RASAL2: variants seen among roughly 807,000 people sequenced by gnomAD.
RASAL2 encodes ras GTPase-activating protein nGAP.
RASAL2 carries 58 observed loss-of-function variants against 128.9 expected under a neutral mutation model. The observed-to-expected ratio is 0.45, with a 90% CI of 0.36 to 0.56. RASAL2 has a LOEUF of 0.56. RASAL2 is among the 20% of genes least tolerant of loss of function. The pLI is 0.00. For missense variants in RASAL2, 1,360 were observed against 1,601.6 expected, an observed-to-expected ratio of 0.85 and a Z score of 2.57; for synonymous variants, 561 against 580.8, an observed-to-expected ratio of 0.97 and a Z score of 0.49.
chr1:178,122,035 G>A (rs980622138), intron 1 of RASAL2, among the ~76,000 whole-genome samples: 1 of 152,032 alleles, frequency 6.6e-6, no homozygotes, highest in Non-Finnish European at 1.5e-5. Context: ...CTAGGACCAA[G>A]TCATTGTTAG....
At chr1:178,278,901 GCTCCTTT>G (rs1317700399) in intron 1 of RASAL2, among the ~76,000 whole-genome samples, 1 of 151,904 alleles carries the variant, frequency 6.6e-6, no homozygotes, top group East Asian at 1.9e-4. Context: ...ATGCTATGAT[GCTCCTTT>G]CTCCCATTAC....
At chr1:178,304,163 G>A (rs1255258635) in intron 3 of RASAL2, among the ~76,000 whole-genome samples, 4 of 152,144 alleles carry the variant, frequency 2.6e-5, no homozygotes, top group Non-Finnish European at 1.5e-5. Flanking sequence ...ACACAGTAGG[G>A]AGGATTAAGA....
intron 2 of RASAL2, among the ~76,000 whole-genome samples, chr1:178,294,649 G>A (rs1667415886): frequency 1.3e-5 from 2 of 152,140 alleles, no homozygotes; most frequent in Admixed American, 1.3e-4. Context: ...AGAGAGCATG[G>A]GTGTGCAACA....
chr1:178,415,519 G>A lies in RASAL2; in HGVS notation c.565-4992G>A, dbSNP rs545728121. On this transcript the variant is annotated intron_variant, in intron 4 of 17. Coordinates refer to ENST00000367649, the MANE Select transcript of RASAL2 (RefSeq NM_170692.4). ...CTGTCTTGGTGAATGTTCCATATGA[G>A]CTTGAGGAATCTCTATTCTGCTGTT... Among the ~76,000 whole-genome samples, 4 of 152,116 alleles carry A rather than the reference G, an allele frequency of 2.6e-5. No homozygotes were observed. In the South Asian group the frequency reaches 8.3e-4, roughly 32 times the overall value.
chr1:178,371,337 C>CACACACACACACACAAAT (rs1345944033), intron 3 of RASAL2, among the ~76,000 whole-genome samples: 1 of 140,974 alleles, frequency 7.1e-6, no homozygotes, highest in Non-Finnish European at 1.5e-5. Context: ...CACACACACA[C>CACACACACACACACAAAT]ACACACACAC....
chr1:178,379,551 C>T (rs747779302), intron 3 of RASAL2, among the ~76,000 whole-genome samples: 17 of 152,228 alleles, frequency 1.1e-4, no homozygotes, highest in Admixed American at 3.9e-4. Context: ...AGCACACTTG[C>T]GTTAATATTT....
chr1:178,286,174 A>G (rs555900775), intron 2 of RASAL2, among the ~76,000 whole-genome samples: 1 of 152,100 alleles, frequency 6.6e-6, no homozygotes, highest in Non-Finnish European at 1.5e-5. Context: ...TTCCAGGTTC[A>G]TCATCAGCAA....
At chr1:178,368,904 TG>T (rs35635603) in intron 3 of RASAL2, among the ~76,000 whole-genome samples, 8,443 of 152,226 alleles carry the variant, frequency 0.055, 339 homozygotes, top group Non-Finnish European at 0.082. Context: ...ATTATAGGCA[TG>T]AACCACCATG....
At position 178,283,561 on chromosome 1, in the gene RASAL2, C is replaced by T. The variant is rs1394701827; in HGVS notation, c.203-3C>T. 3 of 1,605,678 alleles carry T rather than the reference C, an allele frequency of 1.9e-6. No homozygotes were observed. The highest frequency in any genetic ancestry group is 2.5e-6 in the Non-Finnish European group (3 of 1,176,776). ...ACTTTTGTTTTTCCCTTTTCTCATG[C>T]AGATGTGAAAGGACCACCCACCCAC... On this transcript the variant is annotated splice_region_variant and splice_polypyrimidine_tract_variant and intron_variant, in intron 1 of 17. Transcript: ENST00000367649.
chr1:178,150,753 T>A (rs529630759), intron 1 of RASAL2, among the ~76,000 whole-genome samples: 2 of 152,316 alleles, frequency 1.3e-5, no homozygotes, highest in Non-Finnish European at 2.9e-5. Flanking sequence ...CCCAAATCAA[T>A]ACTTGTGTTG....
chr1:178,376,888 C>T (rs962481139), intron 3 of RASAL2, among the ~76,000 whole-genome samples: 3 of 152,062 alleles, frequency 2.0e-5, no homozygotes, highest in African/African-American at 4.8e-5. Context: ...CTGTCAGATC[C>T]AGCTTTTTTT....
chr1:178,231,255 G>T (rs937618290), intron 1 of RASAL2, among the ~76,000 whole-genome samples: 1 of 151,956 alleles, frequency 6.6e-6, no homozygotes, highest in African/African-American at 2.4e-5. Flanking sequence ...GCCCTCTCCT[G>T]TCCTGTTCAT....
rs115433854 is a variant in RASAL2, at chr1:178,273,832, G to A, written c.203-9732G>A. On this transcript the variant is annotated intron_variant, in intron 1 of 17. Transcript: ENST00000367649. ...TTATAGCCTTGTATTGTAGGTGTTT[G>A]TTTCCTACCACTCACTTGAGGTCAG... Among the ~76,000 whole-genome samples the A allele has an allele frequency of 2.4e-3, 360 of 152,268 alleles. 1 individual carries two copies. The highest frequency in any genetic ancestry group is 8.3e-3 in the African/African-American group (347 of 41,566).
At chr1:178,155,265 A>G (rs530711323) in intron 1 of RASAL2, among the ~76,000 whole-genome samples, 2 of 152,284 alleles carry the variant, frequency 1.3e-5, no homozygotes, top group East Asian at 1.9e-4. Flanking sequence ...TTGGACATAC[A>G]TATCATTCTG....
chr1:178,367,193 C>G (rs541620870), intron 3 of RASAL2, among the ~76,000 whole-genome samples: 49 of 152,310 alleles, frequency 3.2e-4, no homozygotes, highest in African/African-American at 1.2e-3. Flanking sequence ...TCCTATTACT[C>G]CACAGTCTGA....
At chr1:178,174,572 A>G (rs1661821118) in intron 1 of RASAL2, among the ~76,000 whole-genome samples, 1 of 152,272 alleles carries the variant, frequency 6.6e-6, no homozygotes, top group Non-Finnish European at 1.5e-5. Flanking sequence ...ACCTGATAAA[A>G]TGAGTTGCAT....
At chr1:178,108,811 T>G (rs1659192111) in intron 1 of RASAL2, among the ~76,000 whole-genome samples, 1 of 152,224 alleles carries the variant, frequency 6.6e-6, no homozygotes, top group Non-Finnish European at 1.5e-5. Context: ...ACGCTTTGGA[T>G]GTCATAATTT....
At chr1:178,320,099 G>T (rs1178076936) in intron 3 of RASAL2, among the ~76,000 whole-genome samples, 1 of 151,930 alleles carries the variant, frequency 6.6e-6, no homozygotes, top group African/African-American at 2.4e-5. Flanking sequence ...TCCCAGTTAG[G>T]CTGCTCGGGG....
intron 3 of RASAL2, among the ~76,000 whole-genome samples, chr1:178,322,735 A>G (rs1334476371): frequency 6.6e-6 from 1 of 152,178 alleles, no homozygotes; most frequent in Non-Finnish European, 1.5e-5. Context: ...GCACTAATTG[A>G]ATCATACTAC....
Sources: allele counts gnomAD v4.1 joint callset (sites outside exome capture counted in the v4.1 genomes callset), GRCh38; gene constraint gnomAD v4.1.1; transcripts MANE v1.5; gene names NCBI Gene and HGNC (gene_info 2026-07-23, HGNC 2026-07-21).